Variants in SYNE2 observed in about 807,000 individuals in gnomAD.
The protein encoded by SYNE2 is spectrin repeat containing nuclear envelope protein 2.
Under a neutral mutation model 856.3 loss-of-function variants are expected in SYNE2, and 431 were observed. The observed-to-expected ratio is 0.50, with a 90% CI of 0.47 to 0.55. SYNE2 has a LOEUF of 0.55. Among genes scored for constraint, SYNE2 ranks in the 20% least tolerant of loss-of-function variants. The pLI is 0.00. For missense variants in SYNE2, 8,129 were observed against 8,023.2 expected, an observed-to-expected ratio of 1.01 and a Z score of -0.50; for synonymous variants, 2,923 against 2,872.3, an observed-to-expected ratio of 1.02 and a Z score of -0.56.
intron 78 of SYNE2, among the ~76,000 whole-genome samples, chr14:64,136,871 G>A (rs2098096191): frequency 6.6e-6 from 1 of 152,124 alleles, no homozygotes; most frequent in African/African-American, 2.4e-5. Context: ...TAGAAATAAG[G>A]AAACCCTACT....
intron 57 of SYNE2, among the ~76,000 whole-genome samples, chr14:64,082,597 C>T (rs1279451162): frequency 6.6e-6 from 1 of 152,126 alleles, no homozygotes; most frequent in African/African-American, 2.4e-5. Flanking sequence ...CTGAATTTTG[C>T]CAACAACCTG....
chr14:63,931,414 G>A (rs1384199275), intron 2 of SYNE2, among the ~76,000 whole-genome samples: 1 of 151,962 alleles, frequency 6.6e-6, no homozygotes, highest in African/African-American at 2.4e-5. Context: ...GCCGGGCGTG[G>A]TGGAGGGCAC....
chr14:64,126,218 C>T, intron 71 of SYNE2, 109 bp from the exon 72 acceptor site: 1 of 971,410 alleles, frequency 1.0e-6, no homozygotes. Context: ...CAACTTATTA[C>T]AAAAGAAGCA....
chr14:63,948,772 ATGTG>A (rs1327891000), intron 6 of SYNE2, among the ~76,000 whole-genome samples: 4 of 54,892 alleles, frequency 7.3e-5, no homozygotes, highest in Admixed American at 2.4e-4. Flanking sequence ...ATATATATGT[ATGTG>A]TGTGTGTATA....
intron 1 of SYNE2, among the ~76,000 whole-genome samples, chr14:63,805,673 A>G (rs1294242544): frequency 3.3e-5 from 5 of 152,174 alleles, no homozygotes; most frequent in Non-Finnish European, 5.9e-5. Flanking sequence ...GCGCCCGGCC[A>G]TCACTGTAGA....
intron 6 of SYNE2, among the ~76,000 whole-genome samples, chr14:63,945,067 A>G (rs944932920): frequency 5.4e-5 from 8 of 148,594 alleles, no homozygotes; most frequent in African/African-American, 2.0e-4. Flanking sequence ...GGCCTCCCAA[A>G]ATATTGGGTT....
chr14:64,016,348 A>T, intron 32 of SYNE2, 125 bp from the exon 33 acceptor site: 1 of 648,038 alleles, frequency 1.5e-6, no homozygotes, highest in Non-Finnish European at 2.6e-6. Flanking sequence ...AAAAAGAACA[A>T]TGTAAGAAGG....
intron 1 of SYNE2, among the ~76,000 whole-genome samples, chr14:63,788,552 C>T (rs1467628274): frequency 1.3e-5 from 2 of 151,950 alleles, no homozygotes; most frequent in African/African-American, 4.8e-5. Flanking sequence ...GAGAGCGGGG[C>T]TCCTGCCTGC....
intron 2 of SYNE2, among the ~76,000 whole-genome samples, chr14:63,922,072 C>T (rs916755280): frequency 6.6e-5 from 10 of 152,160 alleles, no homozygotes; most frequent in East Asian, 1.9e-4. Flanking sequence ...GGCACGATCA[C>T]GGCTCACTGT....
At chr14:64,164,328 T>C (rs1336911244) in intron 89 of SYNE2, among the ~76,000 whole-genome samples, 1 of 152,084 alleles carries the variant, frequency 6.6e-6, no homozygotes, top group African/African-American at 2.4e-5. Context: ...GCCAGGATGG[T>C]CTCAATCTCC....
Position 64,130,070 on chromosome 14 carries a change from G to A in SYNE2, c.14162G>A (p.Gly4721Glu). The change falls in exon 76 of 116, where the codon GGA becomes GAA. Residue 4721 changes from glycine to glutamate, a missense_variant. By Grantham distance (98) the Gly-to-Glu change is moderately conservative (BLOSUM62 -2). Transcript: ENST00000555002. ...KLEDVLDSMW[G>E]MLRARYTELS... is the part of the protein sequence containing the mutation. ...CAGGATGTACTTGACAGTATGTGGGGAATGCTAAGAGCCAGGTACACAGAA... is the reference window on the plus strand; with the variant it reads ...CAGGATGTACTTGACAGTATGTGGGAAATGCTAAGAGCCAGGTACACAGAA... 1.2e-6 allele frequency: 2 copies of A among 1,613,962 alleles called. No homozygotes were observed. The highest frequency in any genetic ancestry group is 1.7e-6 in the Non-Finnish European group (2 of 1,180,032).
intron 1 of SYNE2, among the ~76,000 whole-genome samples, chr14:63,819,220 CTTTCT>C (rs1224636827): frequency 6.6e-5 from 10 of 151,752 alleles, no homozygotes; most frequent in South Asian, 2.1e-4. Flanking sequence ...AAATCAATTT[CTTTCT>C]TTTCTTTTCT....
At chr14:63,973,631 C>CAAAAAAAAAAA (rs60498158) in intron 11 of SYNE2, among the ~76,000 whole-genome samples, 1 of 67,810 alleles carries the variant, frequency 1.5e-5, no homozygotes, top group Non-Finnish European at 2.8e-5. Flanking sequence ...GAGTCCATCT[C>CAAAAAAAAAAA]AAAAAAAAAA....
At chr14:64,095,442 G>C (rs142616359) in intron 61 of SYNE2, among the ~76,000 whole-genome samples, 3 of 152,134 alleles carry the variant, frequency 2.0e-5, no homozygotes, top group Non-Finnish European at 4.4e-5. Context: ...CATCACGCTC[G>C]ATCACTTGGA....
At chr14:64,056,462 T>C (rs1378401616) in intron 49 of SYNE2, among the ~76,000 whole-genome samples, 196 bp downstream of exon 49, 1 of 151,642 alleles carries the variant, frequency 6.6e-6, no homozygotes. Context: ...CTGGTAAATA[T>C]TGTATTTCTT....
At chr14:63,811,226 C>A (rs1888603088) in intron 1 of SYNE2, among the ~76,000 whole-genome samples, 1 of 151,906 alleles carries the variant, frequency 6.6e-6, no homozygotes. Context: ...AAATTGGAAA[C>A]ATTAGTTATC....
At chr14:63,803,033 G>A (rs898075748) in intron 1 of SYNE2, among the ~76,000 whole-genome samples, 1 of 152,204 alleles carries the variant, frequency 6.6e-6, no homozygotes, top group Non-Finnish European at 1.5e-5. Flanking sequence ...GCCAATAATG[G>A]CTCAGGCAGC....
chr14:64,188,582 A>G lies in SYNE2; in HGVS notation c.17745A>G (p.Arg5915=), dbSNP rs747187442. ...TACGTAAACAGGAGATTGAAGACAGACTCAATACATGGGTTGTATTCAATG... is the reference window on the plus strand; with the variant it reads ...TACGTAAACAGGAGATTGAAGACAGGCTCAATACATGGGTTGTATTCAATG... ...VAIRKQEIED[R]LNTWVVFNEK... The change falls in exon 98 of 116, where the codon AGA becomes AGG. Residue 5915 remains arginine (R), a synonymous_variant. Transcript: ENST00000555002. 5 of 1,614,068 alleles carry G rather than the reference A, an allele frequency of 3.1e-6. No individual in the cohort carries two copies. The highest frequency in any genetic ancestry group is 2.5e-6 in the Non-Finnish European group (3 of 1,180,030).
chr14:64,149,845 G>A (rs1304902095), intron 84 of SYNE2, among the ~76,000 whole-genome samples: 1 of 152,092 alleles, frequency 6.6e-6, no homozygotes, highest in African/African-American at 2.4e-5. Context: ...TGAAGTGGGA[G>A]TTGGGAAACT....
Sources: gnomAD v4.1 joint callset for allele counts (sites outside exome capture counted in the v4.1 genomes callset) on GRCh38, gnomAD v4.1.1 for gene constraint, MANE v1.5 for transcripts, NCBI Gene and HGNC (gene_info 2026-07-23, HGNC 2026-07-21) for gene names.